Variants in CNTN3 observed in about 807,000 individuals in gnomAD.
CNTN3 encodes the protein contactin-3.
Under a neutral mutation model 119.1 loss-of-function variants are expected in CNTN3, and 60 were observed. The observed-to-expected ratio is 0.50, with a 90% CI of 0.41 to 0.62. The LOEUF (loss-of-function observed/expected upper bound fraction) is 0.62. Ranked by LOEUF, CNTN3 falls within the 20% of genes least tolerant of loss-of-function variation. CNTN3 has a pLI of 0.00. For missense variants in CNTN3, 1,101 were observed against 1,242.4 expected (o/e 0.89, Z 1.71); for synonymous variants, 450 against 438.7 (o/e 1.03, Z -0.32).
intron 8 of CNTN3, among the ~76,000 whole-genome samples, chr3:74,366,310 A>G (rs182877058): frequency 6.6e-6 from 1 of 152,284 alleles, no homozygotes; most frequent in East Asian, 1.9e-4. Context: ...TTTGCCAGAA[A>G]AAGAAGTAAC....
chr3:74,436,271 T>A (rs1701864519), intron 4 of CNTN3, among the ~76,000 whole-genome samples: 1 of 152,216 alleles, frequency 6.6e-6, no homozygotes, highest in South Asian at 2.1e-4. Context: ...TCTCTGAACA[T>A]TTTGGATGTT....
intron 19 of CNTN3, among the ~76,000 whole-genome samples, chr3:74,285,794 T>TATATATATATATAG (rs1559681345): frequency 2.5e-5 from 1 of 39,750 alleles, no homozygotes; most frequent in Non-Finnish European, 4.4e-5. Context: ...AGGGGAGATA[T>TATATATATATATAG]ATATATATAT....
intron 1 of CNTN3, among the ~76,000 whole-genome samples, chr3:74,533,480 T>C (rs78752565): frequency 0.028 from 4,284 of 152,122 alleles, 190 homozygotes; most frequent in African/African-American, 0.096. Context: ...AACACTCAGA[T>C]TGAACATGTG....
chr3:74,593,450 A>G (rs1428657237), intron 1 of CNTN3, among the ~76,000 whole-genome samples: 1 of 152,018 alleles, frequency 6.6e-6, no homozygotes, highest in Non-Finnish European at 1.5e-5. Flanking sequence ...CCAAAAATAT[A>G]AAAATGTAAC....
chr3:74,306,120 G>A (rs1702557863), intron 13 of CNTN3, among the ~76,000 whole-genome samples: 1 of 148,712 alleles, frequency 6.7e-6, no homozygotes, highest in Non-Finnish European at 1.5e-5. Flanking sequence ...TTTCACTTAT[G>A]TCAAACTAAT....
chr3:74,472,405 G>A (rs1419023108), intron 4 of CNTN3, among the ~76,000 whole-genome samples: 2 of 152,154 alleles, frequency 1.3e-5, no homozygotes, highest in African/African-American at 4.8e-5. Flanking sequence ...TAAGTTACCT[G>A]TCAATGGAAT....
At chr3:74,503,756 TA>T (rs1703205327) in intron 2 of CNTN3, among the ~76,000 whole-genome samples, 1 of 152,250 alleles carries the variant, frequency 6.6e-6, no homozygotes, top group East Asian at 1.9e-4. Context: ...GGATTGACGC[TA>T]AACTTTACTT....
intron 2 of CNTN3, among the ~76,000 whole-genome samples, chr3:74,516,004 C>A (rs1703444312): frequency 6.6e-6 from 1 of 151,946 alleles, no homozygotes; most frequent in African/African-American, 2.4e-5. Flanking sequence ...TTACCCACCA[C>A]CAAGGAGGAA....
chr3:74,588,740 A>G (rs1441821253), intron 1 of CNTN3, among the ~76,000 whole-genome samples: 1 of 152,278 alleles, frequency 6.6e-6, no homozygotes, highest in East Asian at 1.9e-4. Flanking sequence ...ACAGCATGGT[A>G]CTGGTACCAA....
Position 74,298,177 on chromosome 3 carries a change from T to A in CNTN3, c.2181A>T (p.Glu727Asp). ...ACCCAAAACCTTCACCATTCTGTAG[T>A]TCTTCAGGGACTGGCTATAAAGGAA... Reference protein sequence around the residue: ...LVITWDPVPEELQNGEGFGYV... With the variant: ...LVITWDPVPEDLQNGEGFGYV... The change falls in exon 18 of 23, where the codon GAA (glutamate) becomes GAT (aspartate). Residue 727 changes from glutamate to aspartate, a missense_variant. Transcript: ENST00000263665. 1 of 1,588,176 alleles carries A rather than the reference T, an allele frequency of 6.3e-7. No homozygotes were observed. Among genetic ancestry groups the A allele is most frequent in the South Asian group, 1.1e-5 (1 of 87,144 alleles).
chr3:74,478,351 G>A (rs967585011), intron 4 of CNTN3, among the ~76,000 whole-genome samples: 2 of 152,080 alleles, frequency 1.3e-5, no homozygotes, highest in Non-Finnish European at 2.9e-5. Flanking sequence ...ACATAGCCAG[G>A]TGAGTGCCCT....
chr3:74,429,016 C>A (rs1239465522), intron 4 of CNTN3, among the ~76,000 whole-genome samples: 1 of 152,072 alleles, frequency 6.6e-6, no homozygotes, highest in Non-Finnish European at 1.5e-5. Flanking sequence ...TAGGTTATAC[C>A]ATCTGGGTAT....
chr3:74,294,593 G>A (rs894360638), intron 19 of CNTN3, among the ~76,000 whole-genome samples: 1 of 151,946 alleles, frequency 6.6e-6, no homozygotes, highest in Non-Finnish European at 1.5e-5. Flanking sequence ...CCTGTTTTGG[G>A]TGACCTAGTC....
At chr3:74,592,072 T>C (rs1372807083) in intron 1 of CNTN3, among the ~76,000 whole-genome samples, 1 of 151,822 alleles carries the variant, frequency 6.6e-6, no homozygotes, top group Non-Finnish European at 1.5e-5. Context: ...CTCCAAAAGT[T>C]CAGTGGTATA....
At chr3:74,418,358 T>TTTTTTTTC (rs1559591932) in intron 5 of CNTN3, among the ~76,000 whole-genome samples, 1 of 148,764 alleles carries the variant, frequency 6.7e-6, no homozygotes, top group African/African-American at 2.5e-5. Context: ...TTTTTTTTTT[T>TTTTTTTTC]TGAGTCAGAG....
chr3:74,373,307 G>A (rs1002745518), intron 5 of CNTN3, among the ~76,000 whole-genome samples: 1 of 152,176 alleles, frequency 6.6e-6, no homozygotes, highest in African/African-American at 2.4e-5. Flanking sequence ...TGTAGCAAGA[G>A]CCCTTCAGGG....
At chr3:74,588,527 T>C in intron 1 of CNTN3, among the ~76,000 whole-genome samples, 1 of 152,038 alleles carries the variant, frequency 6.6e-6, no homozygotes, top group Non-Finnish European at 1.5e-5. Flanking sequence ...ATGGCCATAC[T>C]GCCCAAGGTA....
chr3:74,284,421 C>G (rs1366969022), intron 20 of CNTN3, among the ~76,000 whole-genome samples: 1 of 152,114 alleles, frequency 6.6e-6, no homozygotes, highest in African/African-American at 2.4e-5. Context: ...GTTACCTAAT[C>G]CTTTCAAGCC....
intron 1 of CNTN3, among the ~76,000 whole-genome samples, chr3:74,602,539 T>C (rs562764359): frequency 1.3e-5 from 2 of 152,162 alleles, no homozygotes; most frequent in African/African-American, 4.8e-5. Flanking sequence ...GTTTAGTTTT[T>C]TGTACTTCTG....
Sources: gnomAD v4.1 joint callset for allele counts (sites outside exome capture counted in the v4.1 genomes callset) on GRCh38, gnomAD v4.1.1 for gene constraint, MANE v1.5 for transcripts, NCBI Gene and HGNC (gene_info 2026-07-23, HGNC 2026-07-21) for gene names.